The following TMIGD3 variants were observed in gnomAD, a reference collection of about 807,000 sequenced individuals.
TMIGD3 encodes AD026 protein (AD026).
In TMIGD3, 21 loss-of-function variants were observed where a neutral mutation model predicts 28.1. That is an observed-to-expected ratio of 0.75 (90% CI 0.53 to 1.08). The LOEUF (loss-of-function observed/expected upper bound fraction) is 1.08. Ranked by LOEUF, TMIGD3 falls within the 50% of genes least tolerant of loss-of-function variation. The pLI, the probability that TMIGD3 is intolerant of heterozygous loss-of-function variation, is 0.00. For synonymous variants in TMIGD3, 151 were observed against 162.1 expected (o/e 0.93, Z 0.52); for missense variants, 416 against 435.6 (o/e 0.96, Z 0.40).
intron 1 of TMIGD3, among the ~76,000 whole-genome samples, chr1:111,495,521 T>C (rs900935918): frequency 6.6e-6 from 1 of 152,236 alleles, no homozygotes; most frequent in Admixed American, 6.5e-5. Context: ...GGTGGGAGTG[T>C]AAATTAGTTC....
chr1:111,541,762 G>A (rs780796466), intron 1 of TMIGD3, among the ~76,000 whole-genome samples: 25 of 152,148 alleles, frequency 1.6e-4, no homozygotes, highest in Admixed American at 3.3e-4. Flanking sequence ...TCAGTGGAGG[G>A]ACAGGGGACG....
At chr1:111,484,230 C>G (rs1654251836) in intron 5 of TMIGD3, among the ~76,000 whole-genome samples, 1 of 152,182 alleles carries the variant, frequency 6.6e-6, no homozygotes, top group Admixed American at 6.5e-5. Context: ...GATAGTTTGT[C>G]TTCCTCCCCC....
intron 1 of TMIGD3, chr1:111,542,195 T>C: frequency 1.8e-6 from 1 of 542,768 alleles, no homozygotes; most frequent in Admixed American, 1.9e-5. Flanking sequence ...GAAGATCGTT[T>C]AGACCAGCTT....
intron 1 of TMIGD3, among the ~76,000 whole-genome samples, chr1:111,526,425 T>G (rs535633693): frequency 1.5e-3 from 232 of 152,312 alleles, no homozygotes; most frequent in Middle Eastern, 3.4e-3. Context: ...CCTGCTGCCA[T>G]GTGAAGAAGG....
At chr1:111,519,285 T>G (rs1655974640) in intron 1 of TMIGD3, among the ~76,000 whole-genome samples, 1 of 152,148 alleles carries the variant, frequency 6.6e-6, no homozygotes, top group Non-Finnish European at 1.5e-5. Context: ...GTCCCCTGAG[T>G]GTGCTATGAG....
intron 1 of TMIGD3, among the ~76,000 whole-genome samples, chr1:111,509,750 A>G (rs1655629439): frequency 6.6e-6 from 1 of 152,244 alleles, no homozygotes; most frequent in Non-Finnish European, 1.5e-5. Flanking sequence ...TTACTGTAAG[A>G]GCTGCCATTG....
At chr1:111,499,310 TA>T in intron 1 of TMIGD3, 1 of 490,682 alleles carries the variant, frequency 2.0e-6, no homozygotes, top group Non-Finnish European at 2.7e-6. Context: ...GTTCTGGGGC[TA>T]AGAGTAAGAA....
chr1:111,552,960 A>G (rs1334642082), intron 1 of TMIGD3, among the ~76,000 whole-genome samples: 1 of 152,222 alleles, frequency 6.6e-6, no homozygotes. Context: ...AAGATTATAT[A>G]CTCATCTCTA....
chr1:111,497,212 A>T (rs934109107), intron 1 of TMIGD3, among the ~76,000 whole-genome samples: 2 of 151,942 alleles, frequency 1.3e-5, no homozygotes, highest in Non-Finnish European at 2.9e-5. Flanking sequence ...CCGGGTTCAC[A>T]CCATTCTCCT....
chr1:111,504,253 T>C (rs1655396157), upstream of TMIGD3: 1 of 456,894 alleles, frequency 2.2e-6, no homozygotes, highest in Non-Finnish European at 2.9e-6. Context: ...ACACTGGCAC[T>C]TATGCTGGCA....
chr1:111,483,804 T>A, intron 5 of TMIGD3, 47 bp from the exon 6 acceptor site: 2 of 1,485,498 alleles, frequency 1.3e-6, no homozygotes, highest in Non-Finnish European at 1.9e-6. Context: ...ATCTATTGCC[T>A]ACCCCTGAAG....
intron 5 of TMIGD3, among the ~76,000 whole-genome samples, chr1:111,484,441 T>A (rs528988981): frequency 5.3e-5 from 8 of 152,310 alleles, no homozygotes; most frequent in Admixed American, 5.2e-4. Flanking sequence ...AAAGTGACAA[T>A]GGTTTTAGCA....
intron 1 of TMIGD3, among the ~76,000 whole-genome samples, chr1:111,535,111 A>G (rs552582502): frequency 6.6e-6 from 1 of 152,358 alleles, no homozygotes; most frequent in East Asian, 1.9e-4. Context: ...GATCAAGAGA[A>G]TAACACCTAC....
chr1:111,525,443 T>C (rs1319966014), intron 1 of TMIGD3, among the ~76,000 whole-genome samples: 1 of 152,268 alleles, frequency 6.6e-6, no homozygotes, highest in Non-Finnish European at 1.5e-5. Context: ...CTAGTAATAT[T>C]CTTTGCTCTG....
Position 111,489,055 on chromosome 1 carries a change from G to GCA in TMIGD3, c.458-33_458-32dup, listed in dbSNP as rs370614406. On this transcript the variant is annotated intron_variant, in intron 2 of 5. Coordinates refer to ENST00000369716, the MANE Select transcript of TMIGD3 (RefSeq NM_020683.7). ...AAAACACACACACACACGCACACGT[G>GCA]CACACACACACACCATTGTTCTCTC... 8.1e-4 allele frequency: 1,214 copies of GCA among 1,501,544 alleles called. 8 individuals are homozygous for GCA. The African/African-American group carries it at 0.01, about 13-fold the overall frequency. The allele number at this position is 1,501,544 out of a possible 1,614,324, so 93.0% of individuals were successfully genotyped here. A position where few individuals can be genotyped will look rare whatever the true frequency, so the allele number is the denominator to read the frequency against.
intron 1 of TMIGD3, among the ~76,000 whole-genome samples, chr1:111,510,043 A>T (rs1308426153): frequency 1.3e-5 from 2 of 152,254 alleles, no homozygotes; most frequent in Non-Finnish European, 2.9e-5. Flanking sequence ...CATTTTGGGC[A>T]GACATTCTTC....
At chr1:111,516,926 A>G (rs1019750179) in intron 1 of TMIGD3, among the ~76,000 whole-genome samples, 1 of 152,204 alleles carries the variant, frequency 6.6e-6, no homozygotes, top group Admixed American at 6.5e-5. Context: ...TCTAGGCACC[A>G]TTCTCACTCT....
At chr1:111,558,783 G>A (rs7533936) in intron 1 of TMIGD3, among the ~76,000 whole-genome samples, 16,145 of 152,028 alleles carry the variant, frequency 0.11, 2,183 homozygotes, top group African/African-American at 0.31. Flanking sequence ...CAAAAAAATT[G>A]ACAAATACAC....
chr1:111,558,705 T>G (rs144530077), intron 1 of TMIGD3, among the ~76,000 whole-genome samples: 1 of 152,186 alleles, frequency 6.6e-6, no homozygotes, highest in African/African-American at 2.4e-5. Context: ...CCCAGGAAGA[T>G]ATAAACTTCT....
Sources: allele counts gnomAD v4.1 joint callset (sites outside exome capture counted in the v4.1 genomes callset), GRCh38; gene constraint gnomAD v4.1.1; transcripts MANE v1.5; gene names NCBI Gene and HGNC (gene_info 2026-07-23, HGNC 2026-07-21).